STPG2: variants seen among roughly 807,000 people sequenced by gnomAD.
STPG2 encodes the protein sperm tail PG-rich repeat containing 2.
In STPG2, 56 loss-of-function variants were observed where a neutral mutation model predicts 54.2. That is an observed-to-expected ratio of 1.03 (90% CI 0.83 to 1.29). The LOEUF is 1.29. Among genes scored for constraint, STPG2 ranks in the 50% most tolerant of loss-of-function variants. The pLI is 0.00. For missense variants in STPG2, 596 were observed against 544.9 expected, an observed-to-expected ratio of 1.09 and a Z score of -0.93; for synonymous variants, 200 against 181.8, an observed-to-expected ratio of 1.10 and a Z score of -0.81.
chr4:97,900,911 C>A (rs1426713152), intron 8 of STPG2, among the ~76,000 whole-genome samples: 3 of 151,924 alleles, frequency 2.0e-5, no homozygotes, highest in African/African-American at 7.2e-5. Context: ...TCATATGTAT[C>A]CTCAAACTGA....
chr4:97,870,834 C>T (rs2149153632), intron 8 of STPG2, among the ~76,000 whole-genome samples: 1 of 151,160 alleles, frequency 6.6e-6, no homozygotes, highest in South Asian at 2.1e-4. Flanking sequence ...ATATGTTGAA[C>T]TTTACAGCCT....
At chr4:98,017,639 A>G (rs1736006343) in intron 5 of STPG2, among the ~76,000 whole-genome samples, 1 of 152,278 alleles carries the variant, frequency 6.6e-6, no homozygotes, top group Admixed American at 6.5e-5. Flanking sequence ...GCGCTTGTGA[A>G]CATATTTTTA....
intron 4 of STPG2, among the ~76,000 whole-genome samples, chr4:97,552,037 C>T (rs1215696442): frequency 1.3e-5 from 2 of 152,060 alleles, no homozygotes; most frequent in Non-Finnish European, 2.9e-5. Context: ...GGATTGTCTA[C>T]AAGTCCTATT....
intron 4 of STPG2, among the ~76,000 whole-genome samples, chr4:97,447,634 G>GT (rs1342144766): frequency 6.6e-6 from 1 of 152,200 alleles, no homozygotes; most frequent in Non-Finnish European, 1.5e-5. Context: ...AGATTTGGTG[G>GT]TTTACATGTA....
chr4:97,886,942 C>T (rs557853693), intron 8 of STPG2, among the ~76,000 whole-genome samples: 1 of 152,322 alleles, frequency 6.6e-6, no homozygotes, highest in Admixed American at 6.5e-5. Context: ...CTCTCCCTTG[C>T]TCCTGCTACA....
chr4:97,749,938 A>G (rs1725533194), intron 9 of STPG2, among the ~76,000 whole-genome samples: 1 of 151,774 alleles, frequency 6.6e-6, no homozygotes, highest in Non-Finnish European at 1.5e-5. Context: ...GTTCCCGTCC[A>G]GACAGGTTTT....
intron 9 of STPG2, among the ~76,000 whole-genome samples, chr4:97,759,919 T>G (rs1214602118): frequency 1.3e-5 from 2 of 152,156 alleles, no homozygotes; most frequent in Non-Finnish European, 2.9e-5. Context: ...CTTTCCAATC[T>G]ATTCTTAAAA....
chr4:97,773,313 T>TTTATTA (rs892431336), intron 9 of STPG2, among the ~76,000 whole-genome samples: 1 of 151,840 alleles, frequency 6.6e-6, no homozygotes, highest in Non-Finnish European at 1.5e-5. Flanking sequence ...TACTGTATAA[T>TTTATTA]TTATTATTAT....
intron 10 of STPG2, among the ~76,000 whole-genome samples, chr4:97,625,966 C>T (rs191620085): frequency 2.2e-4 from 34 of 152,254 alleles, no homozygotes; most frequent in African/African-American, 7.9e-4. Flanking sequence ...TGACTTATCA[C>T]CTACAGTTGA....
intron 9 of STPG2, among the ~76,000 whole-genome samples, chr4:97,777,899 A>G (rs1167845023): frequency 6.6e-6 from 1 of 152,110 alleles, no homozygotes; most frequent in Admixed American, 6.5e-5. Context: ...CTATCTATCA[A>G]TGTTCTGCTT....
At chr4:97,858,919 G>T (rs1158625525) in intron 8 of STPG2, among the ~76,000 whole-genome samples, 1 of 152,118 alleles carries the variant, frequency 6.6e-6, no homozygotes, top group South Asian at 2.1e-4. Flanking sequence ...ACCCAGTAGT[G>T]GGATTACTGG....
intron 8 of STPG2, among the ~76,000 whole-genome samples, chr4:97,937,329 C>T (rs975653182): frequency 2.6e-5 from 4 of 152,024 alleles, no homozygotes; most frequent in Non-Finnish European, 4.4e-5. Context: ...GAACATGCTC[C>T]TTTACCTCAG....
chr4:97,982,983 G>A (rs1489356156), intron 5 of STPG2, among the ~76,000 whole-genome samples: 1 of 152,080 alleles, frequency 6.6e-6, no homozygotes, highest in Non-Finnish European at 1.5e-5. Flanking sequence ...GTAAGCAAGT[G>A]CTCTCCCTTC....
At chr4:97,864,368 G>A (rs188448076) in intron 8 of STPG2, among the ~76,000 whole-genome samples, 24 of 152,166 alleles carry the variant, frequency 1.6e-4, no homozygotes, top group Admixed American at 1.2e-3. Context: ...AAATACCTAG[G>A]AATCCAACTT....
chr4:97,972,426 T>C lies in STPG2; in HGVS notation c.787A>G (p.Asn263Asp), dbSNP rs1330751869. The C allele has an allele frequency of 1.3e-5, 20 of 1,545,192 alleles. No homozygotes were observed. The highest frequency in any genetic ancestry group is 1.6e-5 in the Non-Finnish European group (18 of 1,143,452). The change falls in exon 7 of 11, where the codon AAT (asparagine) becomes GAT (aspartate). Residue 263 changes from asparagine to aspartate, a missense_variant. By Grantham distance (23) the Asn-to-Asp change is conservative. Transcript: ENST00000295268. ...GCAATTATAGTATTGTTCAAGACAT[T>C]ATAAAATCCAGGACCTAAAATTATT... ...TEEMPGPGFY[N>D]VLNNTIIASV...
chr4:98,052,082 T>G (rs1204137607), intron 5 of STPG2, among the ~76,000 whole-genome samples: 2 of 124,546 alleles, frequency 1.6e-5, no homozygotes, highest in African/African-American at 3.2e-5. Context: ...AGCAAAACTC[T>G]GTCTCAAAAA....
chr4:97,569,645 C>G (rs957238269), intron 10 of STPG2, among the ~76,000 whole-genome samples: 1 of 152,028 alleles, frequency 6.6e-6, no homozygotes, highest in African/African-American at 2.4e-5. Flanking sequence ...GAGGGCTCTT[C>G]TTTATAGTAA....
At chr4:97,520,759 C>T (rs1400573350) in intron 4 of STPG2, among the ~76,000 whole-genome samples, 3 of 151,838 alleles carry the variant, frequency 2.0e-5, no homozygotes, top group Admixed American at 1.3e-4. Context: ...TAGGCACTCA[C>T]GAGAAACACA....
intron 9 of STPG2, among the ~76,000 whole-genome samples, chr4:97,764,220 A>G (rs1053361069): frequency 2.0e-5 from 3 of 151,972 alleles, no homozygotes; most frequent in African/African-American, 7.2e-5. Flanking sequence ...CCTCAACTCA[A>G]ATGGAACTTG....
Sources: gnomAD v4.1 joint callset for allele counts (sites outside exome capture counted in the v4.1 genomes callset) on GRCh38, gnomAD v4.1.1 for gene constraint, MANE v1.5 for transcripts, NCBI Gene and HGNC (gene_info 2026-07-23, HGNC 2026-07-21) for gene names.